RRAS2: variants seen among roughly 807,000 people sequenced by gnomAD.
RRAS2 encodes RAS related 2.
RRAS2 carries 7 observed loss-of-function variants against 27.6 expected under a neutral mutation model. The observed-to-expected ratio is 0.25, with a 90% CI of 0.14 to 0.48. The LOEUF (loss-of-function observed/expected upper bound fraction) is 0.48. RRAS2 is among the 20% of genes least tolerant of loss of function. RRAS2 has a pLI of 0.99. For synonymous variants in RRAS2, 86 were observed against 90.9 expected, an observed-to-expected ratio of 0.95 and a Z score of 0.31; for missense variants, 178 against 256.2, an observed-to-expected ratio of 0.69 and a Z score of 2.08.
At chr11:14,280,879 TA>T (rs1849514906) in intron 5 of RRAS2, among the ~76,000 whole-genome samples, 1 of 151,624 alleles carries the variant, frequency 6.6e-6, no homozygotes, top group Admixed American at 6.6e-5. Context: ...TCCTACTCAC[TA>T]AAGCAACTTC....
chr11:14,349,611 T>G (rs1036147540), intron 1 of RRAS2, among the ~76,000 whole-genome samples: 3 of 152,192 alleles, frequency 2.0e-5, no homozygotes, highest in Non-Finnish European at 4.4e-5. Flanking sequence ...ACAATATATT[T>G]ACTTATTTGC....
intron 4 of RRAS2, among the ~76,000 whole-genome samples, chr11:14,293,124 A>AATTATATAT (rs1847451804): frequency 1.3e-5 from 1 of 76,822 alleles, no homozygotes; most frequent in Non-Finnish European, 2.3e-5. Context: ...AAACAAAACA[A>AATTATATAT]ATATATATAT....
rs781860601 is a variant in RRAS2, at chr11:14,293,124, AATATATATATATATAT to A, written c.408+1331_408+1346del. Among the ~76,000 whole-genome samples, 628 of 76,800 alleles carry A rather than the reference AATATATATATATATAT, an allele frequency of 8.2e-3. 18 individuals are homozygous for A. Among genetic ancestry groups the A allele is most frequent in the African/African-American group, 0.011 (173 of 16,004 alleles). The allele number at this position is 76,800 out of a possible 152,430, so 50.4% of individuals were successfully genotyped here. A position where few individuals can be genotyped will look rare whatever the true frequency, so the allele number is the denominator to read the frequency against. ...CTCCGTCTCAAAACAAAACAAAACA[AATATATATATATATAT>A]ATATATATATATATATATATATCAT... On this transcript the variant is annotated intron_variant, in intron 4 of 5. Coordinates refer to ENST00000256196, the MANE Select transcript of RRAS2 (RefSeq NM_012250.6).
intron 4 of RRAS2, among the ~76,000 whole-genome samples, chr11:14,294,169 C>T (rs1847486309): frequency 6.6e-6 from 1 of 152,054 alleles, no homozygotes; most frequent in Non-Finnish European, 1.5e-5. Flanking sequence ...GGATGTAATC[C>T]AAGAAATTAT....
chr11:14,300,188 G>C (rs1417573763), intron 1 of RRAS2, among the ~76,000 whole-genome samples: 1 of 152,186 alleles, frequency 6.6e-6, no homozygotes, highest in Admixed American at 6.5e-5. Context: ...TTTCCTGATA[G>C]ACATGAAAGG....
intron 1 of RRAS2, among the ~76,000 whole-genome samples, chr11:14,355,599 C>G (rs374756119): frequency 1.6e-4 from 25 of 152,226 alleles, no homozygotes; most frequent in African/African-American, 5.8e-4. Flanking sequence ...TTCATATGAA[C>G]AGAAGGTAAC....
chr11:14,359,080 G>A lies in RRAS2; in HGVS notation c.-210C>T. 9.2e-7 allele frequency: 1 copy of A among 1,089,954 alleles called. No individual in the cohort carries two copies. Among genetic ancestry groups the A allele is most frequent in the Non-Finnish European group, 1.1e-6 (1 of 898,012 alleles). 67.5% of individuals were successfully genotyped at this position (1,089,954 alleles called of 1,614,324 possible). ...CGCCCGAGGCGCGGAGAAGCGGGGT[G>A]ACGGCACGGGCCAGGGGCGGCAGCG... On this transcript the variant is annotated 5_prime_UTR_variant, in exon 1 of 6. Transcript: ENST00000256196.
At chr11:14,361,946 T>C (rs1849196023), upstream of RRAS2, among the ~76,000 whole-genome samples, 2 of 152,172 alleles carry the variant, frequency 1.3e-5, no homozygotes, top group Non-Finnish European at 2.9e-5. Flanking sequence ...ACAGCATGGA[T>C]AAACCTTGAA....
chr11:14,321,607 T>C (rs1848224525), intron 1 of RRAS2, among the ~76,000 whole-genome samples: 1 of 152,152 alleles, frequency 6.6e-6, no homozygotes, highest in Admixed American at 6.5e-5. Context: ...GATGGATCCT[T>C]CTTAATAAAG....
chr11:14,325,253 G>A (rs560172640), intron 1 of RRAS2, among the ~76,000 whole-genome samples: 1 of 151,602 alleles, frequency 6.6e-6, no homozygotes, highest in Non-Finnish European at 1.5e-5. Flanking sequence ...AAATGAGCTT[G>A]CACTAGCACT....
At chr11:14,332,905 A>T (rs1431376) in intron 1 of RRAS2, among the ~76,000 whole-genome samples, 127,536 of 152,090 alleles carry the variant, frequency 0.84, 53,816 homozygotes, top group South Asian at 0.89. Flanking sequence ...AACCAAAAAA[A>T]GTTTAAATAT....
At chr11:14,316,192 G>A (rs983736457) in intron 1 of RRAS2, among the ~76,000 whole-genome samples, 1 of 152,050 alleles carries the variant, frequency 6.6e-6, no homozygotes, top group African/African-American at 2.4e-5. Context: ...CAATCGCACA[G>A]TGCAATATCC....
intron 4 of RRAS2, among the ~76,000 whole-genome samples, chr11:14,283,010 C>T (rs1849581701): frequency 6.6e-6 from 1 of 152,150 alleles, no homozygotes; most frequent in South Asian, 2.1e-4. Context: ...ATCTTAGAAA[C>T]AAAGCTAGTT....
At chr11:14,307,298 C>T (rs563399544) in intron 1 of RRAS2, among the ~76,000 whole-genome samples, 2 of 151,480 alleles carry the variant, frequency 1.3e-5, no homozygotes, top group African/African-American at 4.9e-5. Flanking sequence ...TCATGACATG[C>T]CTTTGACTAT....
chr11:14,316,520 G>A (rs1848110493), intron 1 of RRAS2, among the ~76,000 whole-genome samples: 1 of 152,314 alleles, frequency 6.6e-6, no homozygotes, highest in South Asian at 2.1e-4. Flanking sequence ...CAGGAAGATT[G>A]CTTGAGCCCA....
chr11:14,322,470 A>G (rs1554950425), intron 1 of RRAS2, among the ~76,000 whole-genome samples: 1 of 152,018 alleles, frequency 6.6e-6, no homozygotes, highest in African/African-American at 2.4e-5. Flanking sequence ...GAAATATCAA[A>G]TGCTATACAA....
At chr11:14,349,127 G>A (rs570572057) in intron 1 of RRAS2, among the ~76,000 whole-genome samples, 77 of 151,202 alleles carry the variant, frequency 5.1e-4, no homozygotes, top group African/African-American at 1.5e-3. Flanking sequence ...GACCACGCCC[G>A]GCTAATTTTT....
At chr11:14,295,540 AG>A (rs1847521810) in intron 2 of RRAS2, among the ~76,000 whole-genome samples, 1 of 152,206 alleles carries the variant, frequency 6.6e-6, no homozygotes, top group South Asian at 2.1e-4. Context: ...CAATGAGACC[AG>A]TTTCACTAGA....
At chr11:14,281,055 A>C (rs1849520789) in intron 5 of RRAS2, among the ~76,000 whole-genome samples, 1 of 152,212 alleles carries the variant, frequency 6.6e-6, no homozygotes, top group East Asian at 1.9e-4. Flanking sequence ...TTACAGGATT[A>C]TTTAATCTCT....
Sources: allele counts gnomAD v4.1 joint callset (sites outside exome capture counted in the v4.1 genomes callset), GRCh38; gene constraint gnomAD v4.1.1; transcripts MANE v1.5; gene names NCBI Gene and HGNC (gene_info 2026-07-23, HGNC 2026-07-21).